WWP2: variants seen among roughly 807,000 people sequenced by gnomAD.
WWP2 encodes the protein NEDD4-like E3 ubiquitin-protein ligase WWP2.
In WWP2, 57 loss-of-function variants were observed where a neutral mutation model predicts 121.0. That is an observed-to-expected ratio of 0.47 (90% CI 0.38 to 0.59). The LOEUF (loss-of-function observed/expected upper bound fraction) is 0.59, where lower values mean the gene tolerates loss of function less well. WWP2 is among the 20% of genes least tolerant of loss of function. The pLI is 0.00. For missense variants in WWP2, 962 were observed against 1,158.9 expected (o/e 0.83, Z 2.47); for synonymous variants, 449 against 441.3 (o/e 1.02, Z -0.22).
chr16:69,822,008 A>G (rs2056602006), intron 4 of WWP2, among the ~76,000 whole-genome samples: 1 of 152,056 alleles, frequency 6.6e-6, no homozygotes, highest in Admixed American at 6.6e-5. Flanking sequence ...AGCTAAGACC[A>G]GAAATGCACA....
chr16:69,916,865 TAAAA>T (rs893744750), intron 9 of WWP2, among the ~76,000 whole-genome samples: 1 of 151,292 alleles, frequency 6.6e-6, no homozygotes, highest in African/African-American at 2.4e-5. Flanking sequence ...GCCTTGAGTT[TAAAA>T]AAAAATCATT....
At chr16:69,873,500 G>A (rs980087864) in intron 7 of WWP2, among the ~76,000 whole-genome samples, 3 of 152,220 alleles carry the variant, frequency 2.0e-5, no homozygotes, top group Admixed American at 6.5e-5. Flanking sequence ...CAGGGCTGCC[G>A]TCTCAGCTGC....
Position 69,937,730 on chromosome 16 carries a change from C to A in WWP2, c.2343+78C>A. 7.1e-7 allele frequency: 1 copy of A among 1,399,720 alleles called. No homozygotes were observed. Among genetic ancestry groups the A allele is most frequent in the Non-Finnish European group, 1.0e-6 (1 of 1,001,730 alleles). The allele number at this position is 1,399,720 out of a possible 1,614,324, so 86.7% of individuals were successfully genotyped here. ...AAACGGGTCCTGAGGAGGCCTCACG[C>A]GCAAGGACCTTCAGCTTTGGCCCTG... On this transcript the variant is annotated intron_variant, in intron 21 of 23. Coordinates refer to ENST00000359154, the MANE Select transcript of WWP2 (RefSeq NM_001270454.2). This position sits in a 1 kb window ranked among gnomAD's most constrained non-coding sequence, Gnocchi z 6.6.
rs147074353 is a variant in WWP2 at position 69,842,059 on chromosome 16, G to A, written c.514G>A (p.Ala172Thr). 6.2e-7 allele frequency: 1 copy of A among 1,613,504 alleles called. No homozygotes were observed. The highest frequency in any genetic ancestry group is 1.3e-5 in the African/African-American group (1 of 75,054). ...GCCTTCGAGAGACTCCAGTGGAACA[G>A]CAGTAGCTCCAGAGAACCGGCACCA... ...QLPSRDSSGT[A>T]VAPENRHQPP... The change falls in exon 6 of 24, where the codon GCA (alanine) becomes ACA (threonine). Residue 172 changes from alanine to threonine, a missense_variant. Transcript: ENST00000359154.
chr16:69,793,463 T>C (rs1478422005), intron 2 of WWP2, among the ~76,000 whole-genome samples: 1 of 152,160 alleles, frequency 6.6e-6, no homozygotes, highest in Admixed American at 6.6e-5. Context: ...ATCACTCAGA[T>C]CAGTCTTCCT....
In WWP2 at chr16:69,797,649, G is replaced by A. The variant is rs569878142; in HGVS notation, c.71-1033G>A. Among the ~76,000 whole-genome samples, 3 of 152,194 alleles carry A rather than the reference G, an allele frequency of 2.0e-5. No homozygotes were observed. In the East Asian group the frequency reaches 5.8e-4, roughly 29 times the overall value. On this transcript the variant is annotated intron_variant, in intron 2 of 23. Transcript: ENST00000359154. Reference sequence around the variant, plus strand: ...CACGCCTGTAATCCCAGCACTTTGGGAGGCCAAGGTAGGCAGATCATCTGA... The same window carrying A: ...CACGCCTGTAATCCCAGCACTTTGGAAGGCCAAGGTAGGCAGATCATCTGA...
intron 6 of WWP2, among the ~76,000 whole-genome samples, chr16:69,852,033 A>G (rs2057225347): frequency 6.7e-6 from 1 of 149,066 alleles, no homozygotes; most frequent in Admixed American, 6.6e-5. Context: ...GCTTGGGTAA[A>G]TACAAAGGAA....
intron 4 of WWP2, among the ~76,000 whole-genome samples, chr16:69,809,121 CCG>C (rs990749430): frequency 6.6e-6 from 1 of 152,194 alleles, no homozygotes; most frequent in African/African-American, 2.4e-5. Flanking sequence ...CTGGCACCAG[CCG>C]TAGCACGTTG....
intron 6 of WWP2, among the ~76,000 whole-genome samples, chr16:69,867,817 G>A (rs145542795): frequency 8.5e-5 from 13 of 152,322 alleles, no homozygotes; most frequent in African/African-American, 3.1e-4. Context: ...CCTGCCCTGG[G>A]GGCTGTATAA....
At chr16:69,861,768 G>T (rs1412367384) in intron 6 of WWP2, among the ~76,000 whole-genome samples, 2 of 151,336 alleles carry the variant, frequency 1.3e-5, no homozygotes, top group Non-Finnish European at 2.9e-5. Flanking sequence ...TTCCCATTAC[G>T]GCTTCCTTTT....
At chr16:69,896,354 C>G (rs1003773985) in intron 8 of WWP2, among the ~76,000 whole-genome samples, 10 of 152,124 alleles carry the variant, frequency 6.6e-5, no homozygotes, top group African/African-American at 1.9e-4. Flanking sequence ...CTTGGAGGCT[C>G]AAGCGATCCT....
chr16:69,906,683 G>A (rs779678418), intron 8 of WWP2, among the ~76,000 whole-genome samples: 26 of 152,228 alleles, frequency 1.7e-4, no homozygotes, highest in Admixed American at 2.6e-4. Context: ...CCAAGAGTTC[G>A]AGACCAGCCT....
At chr16:69,825,311 C>G (rs528162123) in intron 4 of WWP2, among the ~76,000 whole-genome samples, 1 of 151,764 alleles carries the variant, frequency 6.6e-6, no homozygotes, top group East Asian at 2.0e-4. Flanking sequence ...GTAGTCCCAG[C>G]TACTCAGGAG....
chr16:69,930,199 T>C lies in WWP2; in HGVS notation c.1386T>C (p.Phe462=). ...MKYTSEGVRY[F]VDHNTRTTTF... is the part of the protein sequence containing the mutation. ...ACACCAGCGAGGGGGTGCGATACTT[T>C]GTGGACCACAATACCCGCACCACCA... The change falls in exon 13 of 24, where the codon TTT becomes TTC. Residue 462 remains phenylalanine (F), a synonymous_variant. Coordinates refer to ENST00000359154, the MANE Select transcript of WWP2 (RefSeq NM_001270454.2). 1.2e-6 allele frequency: 2 copies of C among 1,613,934 alleles called. No homozygotes were observed. The highest frequency in any genetic ancestry group is 3.3e-5 in the Admixed American group (2 of 59,986).
intron 1 of WWP2, 109 bp from the exon 2 acceptor site, chr16:69,786,887 G>C: frequency 1.1e-6 from 1 of 933,896 alleles, no homozygotes; most frequent in African/African-American, 1.6e-5. Context: ...TTGCTTGGAC[G>C]TTTCTATTTT....
intron 6 of WWP2, among the ~76,000 whole-genome samples, chr16:69,866,799 CGTATTTAT>C (rs1290611490): frequency 3.5e-5 from 5 of 143,652 alleles, no homozygotes; most frequent in Non-Finnish European, 6.0e-5. Context: ...CTTTCAGTTC[CGTATTTAT>C]TTATTTATTT....
At chr16:69,867,116 A>C (rs949819888) in intron 6 of WWP2, among the ~76,000 whole-genome samples, 1 of 149,540 alleles carries the variant, frequency 6.7e-6, no homozygotes, top group Non-Finnish European at 1.5e-5. Context: ...GATTATAGGC[A>C]TGAGCCACTA....
intron 6 of WWP2, among the ~76,000 whole-genome samples, chr16:69,870,212 C>G (rs72785038): frequency 3.3e-5 from 5 of 152,024 alleles, no homozygotes; most frequent in Non-Finnish European, 7.4e-5. Context: ...AAATGCATAG[C>G]ACACACAGTG....
intron 12 of WWP2, 64 bp downstream of exon 12, chr16:69,929,593 G>A: frequency 2.7e-6 from 4 of 1,478,588 alleles, no homozygotes; most frequent in Non-Finnish European, 3.8e-6. Flanking sequence ...CCAGCACTGG[G>A]CAGGTGGCTT....
Sources: gnomAD v4.1 joint callset for allele counts (sites outside exome capture counted in the v4.1 genomes callset) on GRCh38, gnomAD v4.1.1 for gene constraint, Gnocchi (gnomAD v3.1) non-coding constraint, MANE v1.5 for transcripts, NCBI Gene and HGNC (gene_info 2026-07-23, HGNC 2026-07-21) for gene names.